Variants in PRSS54 observed in about 807,000 individuals in gnomAD.
PRSS54 encodes inactive serine protease 54.
PRSS54 carries 16 observed loss-of-function variants against 19.9 expected under a neutral mutation model. The observed-to-expected ratio is 0.80, with a 90% CI of 0.54 to 1.22. PRSS54 has a LOEUF of 1.22. PRSS54 is among the 50% of genes most tolerant of loss of function. The pLI, the probability that PRSS54 is intolerant of heterozygous loss-of-function variation, is 0.00. For missense variants in PRSS54, 444 were observed against 494.8 expected (o/e 0.90, Z 0.97); for synonymous variants, 177 against 195.8 (o/e 0.90, Z 0.80).
chr16:58,294,599 C>T lies in PRSS54; in HGVS notation c.-232+288G>A, dbSNP rs577350518. On this transcript the variant is annotated intron_variant, in intron 1 of 6. Transcript: ENST00000567164. Reference sequence around the variant, plus strand: ...TTCGTCACGTTGGCCAGGCTGGTCTCGAACTCCTGACCTCAGGTGATCCAC... The same window carrying T: ...TTCGTCACGTTGGCCAGGCTGGTCTTGAACTCCTGACCTCAGGTGATCCAC... 2.3e-4 allele frequency among the ~76,000 whole-genome samples: 35 copies of T among 152,224 alleles called. 1 individual carries two copies. Among genetic ancestry groups the T allele is most frequent in the African/African-American group, 7.9e-4 (33 of 41,550 alleles).
rs1220919310 is a variant in PRSS54, at chr16:58,291,062, G to A, written c.160C>T (p.Pro54Ser). ...GAGTCCTGCAGCGACACCACCCACGGGAACTCCATGCTGCTGACCAAGCCC... is the reference window on the plus strand; with the variant it reads ...GAGTCCTGCAGCGACACCACCCACGAGAACTCCATGCTGCTGACCAAGCCC... ...KEGLVSSMEF[P>S]WVVSLQDSQY... Residue 54 changes from proline to serine, a missense_variant, in exon 4 of 7, where the codon CCG becomes TCG. Pro to Ser is a moderately conservative substitution (Grantham distance 74, BLOSUM62 -1). Coordinates refer to ENST00000567164, the MANE Select transcript of PRSS54 (RefSeq NM_001305173.2). The A allele has an allele frequency of 6.2e-7, 1 of 1,614,184 alleles. No individual in the cohort carries two copies. Among genetic ancestry groups the A allele is most frequent in the Non-Finnish European group, 8.5e-7 (1 of 1,180,024 alleles).
chr16:58,291,562 G>T (rs1306507433), intron 3 of PRSS54, among the ~76,000 whole-genome samples: 3 of 151,992 alleles, frequency 2.0e-5, no homozygotes, highest in African/African-American at 7.3e-5. Flanking sequence ...GCTCTCTGTG[G>T]CCTCAACCTC....
chr16:58,281,052 C>G (rs1283405949), intron 6 of PRSS54: 2 of 352,660 alleles, frequency 5.7e-6, no homozygotes, highest in Non-Finnish European at 1.0e-5. Flanking sequence ...CCTTCCCTCT[C>G]TTCTGGCTTC....
In PRSS54 at chr16:58,284,726, A is replaced by C; in HGVS notation, c.523-5T>G. ...CATCGTCATGTGATTTCCTGTCTGG[A>C]CCATGCAACAGAGAGCCCAGGGATT... On this transcript the variant is annotated splice_region_variant and splice_polypyrimidine_tract_variant and intron_variant, in intron 5 of 6. Transcript: ENST00000567164. 6.2e-7 allele frequency: 1 copy of C among 1,613,772 alleles called. No homozygotes were observed. The highest frequency in any genetic ancestry group is 8.5e-7 in the Non-Finnish European group (1 of 1,179,798).
intron 6 of PRSS54, 73 bp downstream of exon 6, chr16:58,284,517 G>A (rs1376887442): frequency 1.3e-6 from 2 of 1,574,324 alleles, no homozygotes; most frequent in Non-Finnish European, 8.7e-7. Flanking sequence ...TAGGGAAGGG[G>A]AGTCCTGAGG....
At position 58,280,590 on chromosome 16, in the gene PRSS54, G is replaced by C; in HGVS notation, c.822C>G (p.Pro274=). The stretch of plus-strand genomic sequence containing the variant: ...TTTCCCAGTGGTGGAGTGAGGACAG[G>C]GGAGGGCCGGCCCTCTCAGCCTTGG... ...ITSKAERAGP[P]LSSLHHWEKL... Residue 274 remains proline, a synonymous_variant, in exon 7 of 7, where the codon CCC becomes CCG. Coordinates refer to ENST00000567164, the MANE Select transcript of PRSS54 (RefSeq NM_001305173.2). 1 of 1,614,136 alleles carries C rather than the reference G, an allele frequency of 6.2e-7. No homozygotes were observed. Among genetic ancestry groups the C allele is most frequent in the South Asian group, 1.1e-5 (1 of 91,074 alleles).
At position 58,284,704 on chromosome 16, in the gene PRSS54, C is replaced by A. The variant is rs1266205777; in HGVS notation, c.540G>T (p.Thr180=). ...NPTSATGNHM[T]MSVLRKIFVK... Reference sequence around the variant, plus strand: ...CGAAGATTTTCCTCAGGACACTCATCGTCATGTGATTTCCTGTCTGGACCA... The same window carrying A: ...CGAAGATTTTCCTCAGGACACTCATAGTCATGTGATTTCCTGTCTGGACCA... The change falls in exon 6 of 7, where the codon ACG becomes ACT. Residue 180 remains threonine (T), a synonymous_variant. Transcript: ENST00000567164. The A allele has an allele frequency of 2.5e-6, 4 of 1,614,004 alleles. No homozygotes were observed. Among genetic ancestry groups the A allele is most frequent in the Non-Finnish European group, 3.4e-6 (4 of 1,179,892 alleles).
chr16:58,294,302 G>A (rs1965100432), intron 1 of PRSS54, 93 bp from the exon 2 acceptor site: 1 of 161,618 alleles, frequency 6.2e-6, no homozygotes, highest in African/African-American at 2.4e-5. Context: ...CTGGCTAAAA[G>A]AACGCTAGGG....
chr16:58,281,715 A>G lies in PRSS54; in HGVS notation c.655-958T>C, dbSNP rs117294870. The G allele has an allele frequency of 6.0e-3, 909 of 152,430 alleles. 12 individuals carry two copies. Among genetic ancestry groups the G allele is most frequent in the East Asian group, 0.056 (291 of 5,176 alleles). The allele number at this position is 152,430 out of a possible 1,614,324, so 9.4% of individuals were successfully genotyped here. A position where few individuals can be genotyped will look rare whatever the true frequency, so the allele number is the denominator to read the frequency against. On this transcript the variant is annotated intron_variant, in intron 6 of 6. Coordinates refer to ENST00000567164, the MANE Select transcript of PRSS54 (RefSeq NM_001305173.2). Reference sequence around the variant, plus strand: ...TTGCTCTCGCAGTTTGGACTGAGACATGGAATGGGGCCGCAATTAACAACA... The same window carrying G: ...TTGCTCTCGCAGTTTGGACTGAGACGTGGAATGGGGCCGCAATTAACAACA...
chr16:58,283,608 ATACT>A, intron 6 of PRSS54: 1 of 152,296 alleles, frequency 6.6e-6, no homozygotes, highest in South Asian at 2.1e-4. Context: ...AGGAAGTATG[ATACT>A]TGTTTGACGG....
At chr16:58,293,643 G>C (rs1321397508) in intron 3 of PRSS54, 89 bp downstream of exon 3, 1 of 1,544,898 alleles carries the variant, frequency 6.5e-7, no homozygotes, top group East Asian at 2.4e-5. Flanking sequence ...CCCCTCCTTG[G>C]ACATTAAGGA....
intron 6 of PRSS54, chr16:58,281,525 C>T (rs1465741965): frequency 6.6e-6 from 1 of 152,378 alleles, no homozygotes; most frequent in Non-Finnish European, 1.5e-5. Context: ...GTAGGTATCA[C>T]TTACCTTACC....
chr16:58,293,328 G>A (rs748274902), intron 3 of PRSS54, among the ~76,000 whole-genome samples: 10 of 152,150 alleles, frequency 6.6e-5, no homozygotes, highest in Non-Finnish European at 1.0e-4. Context: ...GGCTGTGGCT[G>A]CCTCCAAGAC....
intron 4 of PRSS54, among the ~76,000 whole-genome samples, chr16:58,286,624 T>G (rs1208193235): frequency 6.6e-6 from 1 of 152,212 alleles, no homozygotes; most frequent in Non-Finnish European, 1.5e-5. Flanking sequence ...ATATATTCTG[T>G]AAATACATTT....
chr16:58,288,224 G>A (rs575956354), intron 4 of PRSS54, among the ~76,000 whole-genome samples: 18 of 152,292 alleles, frequency 1.2e-4, no homozygotes, highest in Admixed American at 1.1e-3. Context: ...CCAGGAGTTT[G>A]AGACCAGCCT....
chr16:58,290,803 A>G (rs1051129071), intron 4 of PRSS54, among the ~76,000 whole-genome samples, 156 bp downstream of exon 4: 20 of 152,280 alleles, frequency 1.3e-4, no homozygotes, highest in Middle Eastern at 3.4e-3. Flanking sequence ...GCAACTGGTG[A>G]ATTTAGGGCT....
chr16:58,285,688 C>G (rs557438185), intron 5 of PRSS54, among the ~76,000 whole-genome samples: 3 of 137,696 alleles, frequency 2.2e-5, no homozygotes, highest in East Asian at 2.1e-4. Context: ...TGCAGTGAGC[C>G]GTGATGGCAC....
Position 58,280,706 on chromosome 16 carries a change from C to A in PRSS54, c.706G>T (p.Val236Phe). ...CCGAAGTTCAGGACTCCTCTCAGAA[C>A]CCACAGATCGAACTGCTGTAGCTGG... ...MCQLQQFDLW[V>F]LRGVLNFGGE... Residue 236 changes from valine (V) to phenylalanine (F), a missense_variant, in exon 7 of 7, where the codon GTT (valine) becomes TTT (phenylalanine). Transcript: ENST00000567164. The A allele has an allele frequency of 6.2e-7, 1 of 1,613,924 alleles. No individual in the cohort carries two copies. The highest frequency in any genetic ancestry group is 8.5e-7 in the Non-Finnish European group (1 of 1,179,798).
chr16:58,288,019 CA>C (rs1281737684), intron 4 of PRSS54, among the ~76,000 whole-genome samples: 2 of 152,222 alleles, frequency 1.3e-5, no homozygotes, highest in East Asian at 3.9e-4. Flanking sequence ...TCACATAGAC[CA>C]CCCATAGTAG....
Sources: gnomAD v4.1 joint callset for allele counts (sites outside exome capture counted in the v4.1 genomes callset) on GRCh38, gnomAD v4.1.1 for gene constraint, MANE v1.5 for transcripts, NCBI Gene and HGNC (gene_info 2026-07-23, HGNC 2026-07-21) for gene names.